UTP20: variants seen among roughly 807,000 people sequenced by gnomAD.
The protein encoded by UTP20 is UTP20 small subunit processome component, also known as small subunit processome component 20 homolog.
In UTP20, 164 loss-of-function variants were observed where a neutral mutation model predicts 329.5. The observed-to-expected ratio is 0.50, with a 90% CI of 0.44 to 0.57. UTP20 has a LOEUF of 0.57. Among genes scored for constraint, UTP20 ranks in the 20% least tolerant of loss-of-function variants. UTP20 has a pLI of 0.00. For missense variants in UTP20, 3,055 were observed against 3,284.2 expected, an observed-to-expected ratio of 0.93 and a Z score of 1.71; for synonymous variants, 1,151 against 1,159.3, an observed-to-expected ratio of 0.99 and a Z score of 0.14.
intron 38 of UTP20, 55 bp from the exon 39 acceptor site, chr12:101,352,000 T>A: frequency 1.9e-6 from 3 of 1,595,306 alleles, no homozygotes; most frequent in Non-Finnish European, 2.6e-6. Flanking sequence ...GAGTTAGCCT[T>A]GCATTTTATT....
Position 101,312,196 on chromosome 12 carries a change from C to T in UTP20, c.2472C>T (p.Leu824=). The change falls in exon 21 of 62, where the codon CTC becomes CTT. Residue 824 remains leucine, a synonymous_variant. Coordinates refer to ENST00000261637, the MANE Select transcript of UTP20 (RefSeq NM_014503.3). The part of the protein sequence containing the change: ...RLDHTNFRFL[L]WRALTKFPER... ...ACCACACCAACTTCAGATTCCTGCTCTGGAGAGCTCTGACCAAATTCCCAG... is the reference window on the plus strand; with the variant it reads ...ACCACACCAACTTCAGATTCCTGCTTTGGAGAGCTCTGACCAAATTCCCAG... 6.2e-7 allele frequency: 1 copy of T among 1,614,222 alleles called. No homozygotes were observed. Among genetic ancestry groups the T allele is most frequent in the Non-Finnish European group, 8.5e-7 (1 of 1,180,044 alleles).
At position 101,317,588 on chromosome 12, in the gene UTP20, A is replaced by T; in HGVS notation, c.2663A>T (p.Asp888Val). 1 of 1,614,194 alleles carries T rather than the reference A, an allele frequency of 6.2e-7. No individual in the cohort carries two copies. Among genetic ancestry groups the T allele is most frequent in the South Asian group, 1.1e-5 (1 of 91,076 alleles). Residue 888 changes from aspartate (D) to valine (V), a missense_variant, in exon 22 of 62, where the codon GAT becomes GTT. This residue lies in a region of UTP20 where 2,445 missense variants were observed against 2,575.5 expected (regional missense o/e 0.95). Coordinates refer to ENST00000261637, the MANE Select transcript of UTP20 (RefSeq NM_014503.3). ...EIEEEPAAGD[D>V]EELEEEAVPQ... is the part of the protein sequence containing the mutation. Reference sequence around the variant, plus strand: ...GAAGAGGAACCTGCCGCAGGAGATGATGAAGAGTTGGAGGAAGAGGCAGTG... The same window carrying T: ...GAAGAGGAACCTGCCGCAGGAGATGTTGAAGAGTTGGAGGAAGAGGCAGTG...
intron 60 of UTP20, among the ~76,000 whole-genome samples, chr12:101,385,197 G>A (rs1870785436): frequency 6.6e-6 from 1 of 151,960 alleles, no homozygotes; most frequent in South Asian, 2.1e-4. Context: ...ATCTGCAAGA[G>A]CTCAACAGGT....
chr12:101,356,681 C>G lies in UTP20; in HGVS notation c.5522C>G (p.Ala1841Gly). ...TCCCTTCCACAAGAAGTTATGGAAG[C>G]TAATCTGCCAAGGTATGTTTTTTAA... ...MQSLPQEVME[A>G]NLPSILLKVC... The change falls in exon 42 of 62, where the codon GCT becomes GGT. Residue 1841 changes from alanine (A) to glycine (G), a missense_variant. Coordinates refer to ENST00000261637, the MANE Select transcript of UTP20 (RefSeq NM_014503.3). 1 of 1,609,660 alleles carries G rather than the reference C, an allele frequency of 6.2e-7. No homozygotes were observed. The highest frequency in any genetic ancestry group is 8.5e-7 in the Non-Finnish European group (1 of 1,179,094).
chr12:101,344,082 C>T (rs555075694), intron 35 of UTP20, among the ~76,000 whole-genome samples: 7 of 152,134 alleles, frequency 4.6e-5, no homozygotes, highest in East Asian at 1.9e-4. Context: ...TTAAGGATTA[C>T]GTAATATATG....
chr12:101,307,755 C>T (rs987108554), intron 17 of UTP20, among the ~76,000 whole-genome samples: 2 of 152,072 alleles, frequency 1.3e-5, no homozygotes, highest in Non-Finnish European at 2.9e-5. Flanking sequence ...TTCTTGTTGA[C>T]GGATGGTTAG....
Position 101,311,777 on chromosome 12 carries a change from GA to G in UTP20, c.2295del (p.Ala766GlnfsTer13). The G allele has an allele frequency of 6.2e-7, 1 of 1,613,076 alleles. No homozygotes were observed. On this transcript the variant is annotated frameshift_variant, in exon 20 of 62. Coordinates refer to ENST00000261637, the MANE Select transcript of UTP20 (RefSeq NM_014503.3). LOFTEE classifies it high-confidence loss of function. ...QFWKVYYEHL[E>X]KAATHAEKEL... ...TTGGAAAGTCTACTATGAGCATCTA[GA>G]AAAAGCAGCTACGCATGCTGGTATG... is the stretch of plus-strand genomic sequence containing the variant.
chr12:101,299,659 A>C, intron 12 of UTP20, 23 bp from the exon 13 acceptor site: 1 of 1,548,470 alleles, frequency 6.5e-7, no homozygotes. Context: ...CTGTTATTTT[A>C]AACATTTTTT....
chr12:101,316,593 G>T (rs141700651), intron 21 of UTP20, among the ~76,000 whole-genome samples: 1 of 152,170 alleles, frequency 6.6e-6, no homozygotes, highest in Non-Finnish European at 1.5e-5. Flanking sequence ...CTTGGGCTAA[G>T]CTAGAGTTTC....
chr12:101,284,664 T>C lies in UTP20; in HGVS notation c.127-906T>C, dbSNP rs139361452. ...ATACATACATGTCATACATGTATGATAATTTATTGGCTTTACCTTTCAAAG... is the reference window on the plus strand; with the variant it reads ...ATACATACATGTCATACATGTATGACAATTTATTGGCTTTACCTTTCAAAG... On this transcript the variant is annotated intron_variant, in intron 2 of 61. Transcript: ENST00000261637. Among the ~76,000 whole-genome samples the C allele has an allele frequency of 2.7e-3, 407 of 152,226 alleles. 2 individuals carry two copies. The highest frequency in any genetic ancestry group is 4.7e-3 in the Non-Finnish European group (319 of 68,006).
chr12:101,373,813 G>C, intron 54 of UTP20, 46 bp downstream of exon 54: 2 of 1,575,964 alleles, frequency 1.3e-6, no homozygotes. Flanking sequence ...TCTTAGCTTT[G>C]GGGATCATAG....
At chr12:101,340,194 G>C (rs748392455) in intron 31 of UTP20, among the ~76,000 whole-genome samples, 14 of 152,116 alleles carry the variant, frequency 9.2e-5, no homozygotes, top group Non-Finnish European at 1.6e-4. Flanking sequence ...ACTTAAAAAT[G>C]TTATTTCTTT....
At chr12:101,283,507 C>T (rs1236183701) in intron 2 of UTP20, among the ~76,000 whole-genome samples, 1 of 152,172 alleles carries the variant, frequency 6.6e-6, no homozygotes, top group African/African-American at 2.4e-5. Flanking sequence ...GAAACAGACT[C>T]CGTCTCTTGG....
At chr12:101,383,359 A>G in intron 59 of UTP20, 46 bp downstream of exon 59, 2 of 1,570,820 alleles carry the variant, frequency 1.3e-6, no homozygotes, top group Non-Finnish European at 1.7e-6. Flanking sequence ...TTTCTCTTTA[A>G]AAAGTATTTT....
chr12:101,334,641 G>T (rs1256469267), intron 29 of UTP20, 137 bp downstream of exon 29: 6 of 672,748 alleles, frequency 8.9e-6, no homozygotes, highest in Non-Finnish European at 1.4e-5. Context: ...AGAGAATGAG[G>T]CAGCTGAGTA....
rs753815915 is a variant in UTP20, at chr12:101,300,060, A to G, written c.1674A>G (p.Lys558=). 1 of 1,614,032 alleles carries G rather than the reference A, an allele frequency of 6.2e-7. No homozygotes were observed. Among genetic ancestry groups the G allele is most frequent in the East Asian group, 2.2e-5 (1 of 44,880 alleles). The change falls in exon 14 of 62, where the codon AAA becomes AAG. Residue 558 remains lysine (K), a splice_region_variant and synonymous_variant. Coordinates refer to ENST00000261637, the MANE Select transcript of UTP20 (RefSeq NM_014503.3). ...FMTVDKGSFG[K]GNLFVLCQAV... ...CTGTTGACAAAGGAAGCTTTGGGAA[A>G]GGTCAGTTACAATCATCATGTGTTC...
In UTP20 at chr12:101,324,701, A is replaced by G. The variant is rs1182134285; in HGVS notation, c.3042-2380A>G. ...GTTTATAATAACAATCACAAATCTC[A>G]TTAGTCCTTTCTTTCCAAAATATTT... On this transcript the variant is annotated intron_variant, in intron 25 of 61. Transcript: ENST00000261637. Among the ~76,000 whole-genome samples the G allele has an allele frequency of 2.0e-5, 3 of 152,120 alleles. No individual in the cohort carries two copies. The East Asian group carries it at 5.8e-4, about 29-fold the overall frequency.
chr12:101,334,307 A>T, intron 28 of UTP20, 118 bp from the exon 29 acceptor site: 1 of 767,600 alleles, frequency 1.3e-6, no homozygotes, highest in Non-Finnish European at 2.0e-6. Context: ...TTGGATGTTC[A>T]TCTCTGTCCC....
At chr12:101,292,335 A>G (rs548449131) in intron 10 of UTP20, among the ~76,000 whole-genome samples, 2 of 152,320 alleles carry the variant, frequency 1.3e-5, no homozygotes, top group Non-Finnish European at 2.9e-5. Context: ...AGCTAAATCT[A>G]TACATATTCT....
Sources: gnomAD v4.1 joint callset for allele counts (sites outside exome capture counted in the v4.1 genomes callset) on GRCh38, gnomAD v4.1.1 for gene constraint, gnomAD v4.1.1 regional missense constraint, MANE v1.5 for transcripts, NCBI Gene and HGNC (gene_info 2026-07-23, HGNC 2026-07-21) for gene names.